PAN3: variants seen among roughly 807,000 people sequenced by gnomAD.
The protein encoded by PAN3 is poly(A) specific ribonuclease subunit PAN3.
PAN3 carries 19 observed loss-of-function variants against 96.2 expected under a neutral mutation model. The observed-to-expected ratio is 0.20, with a 90% CI of 0.14 to 0.29. The LOEUF (loss-of-function observed/expected upper bound fraction) is 0.29, where lower values mean the gene tolerates loss of function less well. PAN3 is among the 10% of genes least tolerant of loss of function. The pLI, the probability that PAN3 is intolerant of heterozygous loss-of-function variation, is 1.00. For synonymous variants in PAN3, 433 were observed against 406.6 expected (o/e 1.06, Z -0.78); for missense variants, 882 against 1,108.1 (o/e 0.80, Z 2.90).
In PAN3 at chr13:28,140,921, G is replaced by A. The variant is rs181376752; in HGVS notation, c.430+1834G>A. 2.4e-3 allele frequency among the ~76,000 whole-genome samples: 366 copies of A among 151,536 alleles called. 5 individuals are homozygous for A. The highest frequency in any genetic ancestry group is 3.4e-3 in the Non-Finnish European group (227 of 67,724). On this transcript the variant is annotated intron_variant, in intron 1 of 18. Coordinates refer to ENST00000380958, the MANE Select transcript of PAN3 (RefSeq NM_175854.8). ...TTTTCAGGTTAAAGTTTTGCTGGAT[G>A]TGTGAGTCGTGACTCAGTAGTAATG...
At chr13:28,172,521 T>G (rs1056184836) in intron 1 of PAN3, among the ~76,000 whole-genome samples, 2 of 152,180 alleles carry the variant, frequency 1.3e-5, no homozygotes, top group Non-Finnish European at 2.9e-5. Flanking sequence ...AATTTTAAAC[T>G]TTGATAAAAG....
chr13:28,263,068 G>A (rs1885867157), intron 9 of PAN3, among the ~76,000 whole-genome samples: 1 of 152,130 alleles, frequency 6.6e-6, no homozygotes, highest in South Asian at 2.1e-4. Context: ...ATGATAAAAT[G>A]TATCAAAGAA....
chr13:28,226,477 T>C (rs1882012534), intron 6 of PAN3, among the ~76,000 whole-genome samples: 1 of 152,202 alleles, frequency 6.6e-6, no homozygotes. Flanking sequence ...TAATTAGATT[T>C]CCTAAACATC....
chr13:28,223,832 A>G (rs77206076), intron 6 of PAN3, among the ~76,000 whole-genome samples: 2,164 of 150,914 alleles, frequency 0.014, 23 homozygotes, highest in Non-Finnish European at 0.021. Context: ...AATATATGAA[A>G]TAATAGTTTA....
chr13:28,197,348 TA>T lies in PAN3; in HGVS notation c.852+7del. The T allele has an allele frequency of 1.3e-6, 2 of 1,578,166 alleles. No homozygotes were observed. The highest frequency in any genetic ancestry group is 1.2e-5 in the South Asian group (1 of 86,052). ...AGAGTCACAGAAAACAATTTACAGGTAAAAATAATTTTTATTAGACATTTCT... is the reference window on the plus strand; with the variant it reads ...AGAGTCACAGAAAACAATTTACAGGTAAAATAATTTTTATTAGACATTTCT... On this transcript the variant is annotated splice_donor_region_variant and intron_variant, in intron 5 of 18. Transcript: ENST00000380958.
At chr13:28,199,149 A>G (rs769610746) in intron 5 of PAN3, among the ~76,000 whole-genome samples, 3 of 152,116 alleles carry the variant, frequency 2.0e-5, no homozygotes, top group African/African-American at 7.2e-5. Context: ...ATTAGTTTTT[A>G]GTTTAAAAAA....
At chr13:28,202,433 C>T (rs1204246423) in intron 5 of PAN3, among the ~76,000 whole-genome samples, 4 of 151,996 alleles carry the variant, frequency 2.6e-5, no homozygotes, top group Non-Finnish European at 5.9e-5. Flanking sequence ...AGGATTTATT[C>T]TACCTATCTG....
At chr13:28,285,554 A>G (rs571047713) in intron 17 of PAN3, among the ~76,000 whole-genome samples, 1 of 152,172 alleles carries the variant, frequency 6.6e-6, no homozygotes. Context: ...TTAATCTTGG[A>G]AACTTAACGT....
chr13:28,238,580 T>C (rs1437016864), intron 6 of PAN3, among the ~76,000 whole-genome samples: 1 of 152,192 alleles, frequency 6.6e-6, no homozygotes, highest in Non-Finnish European at 1.5e-5. Context: ...GAGAAAGATA[T>C]ATTTTAATTA....
chr13:28,273,279 G>T (rs762002545), intron 14 of PAN3, among the ~76,000 whole-genome samples: 1 of 152,096 alleles, frequency 6.6e-6, no homozygotes, highest in Non-Finnish European at 1.5e-5. Context: ...AAGTATCGAA[G>T]AATAAGAACG....
At chr13:28,267,036 G>T (rs1315202169) in intron 10 of PAN3, 59 bp from the exon 11 acceptor site, 2 of 1,443,212 alleles carry the variant, frequency 1.4e-6, no homozygotes, top group South Asian at 1.4e-5. Context: ...TTCCATTTCT[G>T]ATGGAATATG....
At chr13:28,256,268 G>A in intron 6 of PAN3, 24 bp from the exon 7 acceptor site, 1 of 1,599,674 alleles carries the variant, frequency 6.3e-7, no homozygotes, top group Non-Finnish European at 8.5e-7. Context: ...GCTCCATTAA[G>A]AAACATTTTT....
chr13:28,197,513 T>G (rs1488631945), intron 5 of PAN3, among the ~76,000 whole-genome samples, 167 bp downstream of exon 5: 1 of 152,140 alleles, frequency 6.6e-6, no homozygotes, highest in Non-Finnish European at 1.5e-5. Flanking sequence ...ACCAACTAAA[T>G]GATTTTTTCT....
At chr13:28,213,322 G>C (rs1202963472) in intron 5 of PAN3, among the ~76,000 whole-genome samples, 1 of 152,258 alleles carries the variant, frequency 6.6e-6, no homozygotes, top group East Asian at 1.9e-4. Context: ...ATTACCTGTG[G>C]ATTTTGGTAT....
chr13:28,179,766 AC>A (rs1875523226), intron 4 of PAN3, among the ~76,000 whole-genome samples: 1 of 152,086 alleles, frequency 6.6e-6, no homozygotes, highest in South Asian at 2.1e-4. Context: ...AGAAAGTAAA[AC>A]TAGAATGACA....
intron 5 of PAN3, among the ~76,000 whole-genome samples, chr13:28,202,710 G>A (rs950808460): frequency 6.6e-6 from 1 of 151,912 alleles, no homozygotes; most frequent in African/African-American, 2.4e-5. Flanking sequence ...TATTCCTAGT[G>A]TATTTGGTGT....
At chr13:28,186,447 A>T (rs1280814375) in intron 4 of PAN3, among the ~76,000 whole-genome samples, 1 of 152,254 alleles carries the variant, frequency 6.6e-6, no homozygotes, top group African/African-American at 2.4e-5. Context: ...TCCCAGAATT[A>T]TGTGAATTAA....
intron 5 of PAN3, among the ~76,000 whole-genome samples, chr13:28,202,066 C>T (rs1018010817): frequency 8.6e-5 from 13 of 151,488 alleles, no homozygotes; most frequent in African/African-American, 3.1e-4. Context: ...TTTTTTTCCC[C>T]CCTGGATTAC....
At chr13:28,245,628 T>C (rs1373437585) in intron 6 of PAN3, among the ~76,000 whole-genome samples, 1 of 152,178 alleles carries the variant, frequency 6.6e-6, no homozygotes, top group East Asian at 1.9e-4. Flanking sequence ...TTCCACAGCA[T>C]TTTCATCACC....
Sources: allele counts gnomAD v4.1 joint callset (sites outside exome capture counted in the v4.1 genomes callset), GRCh38; gene constraint gnomAD v4.1.1; transcripts MANE v1.5; gene names NCBI Gene and HGNC (gene_info 2026-07-23, HGNC 2026-07-21).